The following WWC1 variants were observed in gnomAD, a reference collection of about 807,000 sequenced individuals.
The protein encoded by WWC1 is protein KIBRA.
Under a neutral mutation model 138.4 loss-of-function variants are expected in WWC1, and 55 were observed. The observed-to-expected ratio is 0.40, with a 90% CI of 0.32 to 0.50. WWC1 has a LOEUF of 0.50. Among genes scored for constraint, WWC1 ranks in the 20% least tolerant of loss-of-function variants. WWC1 has a pLI of 0.72. For synonymous variants in WWC1, 524 were observed against 564.9 expected (o/e 0.93, Z 1.03); for missense variants, 1,226 against 1,420.4 (o/e 0.86, Z 2.20).
intron 1 of WWC1, among the ~76,000 whole-genome samples, chr5:168,305,988 A>T (rs1359260057): frequency 2.0e-5 from 3 of 152,256 alleles, no homozygotes; most frequent in African/African-American, 7.2e-5. Context: ...TGTAAAGGGG[A>T]CAAGTGCCAT....
chr5:168,467,953 T>C lies in WWC1; in HGVS notation c.3264T>C (p.Val1088=), dbSNP rs746144446. 6.2e-7 allele frequency: 1 copy of C among 1,614,176 alleles called. No homozygotes were observed. The highest frequency in any genetic ancestry group is 1.1e-5 in the South Asian group (1 of 91,074). Residue 1088 remains valine, a synonymous_variant, in exon 22 of 23, where the codon GTT becomes GTC. Transcript: ENST00000265293. The part of the protein sequence containing the change: ...RGQSCKEPPE[V]QSFREKMAFF... ...AGAGCTGTAAGGAACCCCCAGAAGT[T>C]CAGTCTTTCAGGTAAGCAGAGGGCC... is the stretch of plus-strand genomic sequence containing the variant.
chr5:168,454,151 A>G (rs1214289811), intron 18 of WWC1, 51 bp downstream of exon 18: 2 of 1,590,002 alleles, frequency 1.3e-6, no homozygotes, highest in African/African-American at 1.4e-5. Flanking sequence ...GGAACCTTCA[A>G]TCCTTGTGCC....
At chr5:168,296,086 A>G (rs778559567) in intron 1 of WWC1, among the ~76,000 whole-genome samples, 2 of 152,170 alleles carry the variant, frequency 1.3e-5, no homozygotes, top group Non-Finnish European at 2.9e-5. Flanking sequence ...GCTCTAGCGA[A>G]GGGGCCAGCG....
intron 1 of WWC1, among the ~76,000 whole-genome samples, chr5:168,318,369 C>T (rs898370032): frequency 1.6e-4 from 24 of 152,092 alleles, no homozygotes; most frequent in African/African-American, 5.1e-4. Flanking sequence ...TAACCATTTC[C>T]GATGTACAGC....
At chr5:168,336,206 A>G (rs1440068179) in intron 1 of WWC1, among the ~76,000 whole-genome samples, 1 of 152,126 alleles carries the variant, frequency 6.6e-6, no homozygotes, top group Non-Finnish European at 1.5e-5. Context: ...AGGCCTTTCC[A>G]GTTTGATCAG....
chr5:168,302,691 C>T (rs367612979), intron 1 of WWC1, among the ~76,000 whole-genome samples: 1 of 152,128 alleles, frequency 6.6e-6, no homozygotes, highest in Non-Finnish European at 1.5e-5. Flanking sequence ...AGGAGCTGTG[C>T]AAATATAGTA....
intron 1 of WWC1, among the ~76,000 whole-genome samples, chr5:168,349,709 G>T (rs540803816): frequency 2.6e-5 from 4 of 152,222 alleles, no homozygotes; most frequent in African/African-American, 9.6e-5. Context: ...CCTTCCCTTT[G>T]CTTCTGTTTG....
chr5:168,339,947 C>T (rs1227341961), intron 1 of WWC1, among the ~76,000 whole-genome samples: 1 of 126,986 alleles, frequency 7.9e-6, no homozygotes, highest in Non-Finnish European at 1.6e-5. Context: ...CTCTCTCTCT[C>T]CCCCTCTCCC....
chr5:168,374,955 TAGA>T (rs1227874643), intron 2 of WWC1, among the ~76,000 whole-genome samples: 2 of 152,128 alleles, frequency 1.3e-5, no homozygotes, highest in Admixed American at 6.5e-5. Flanking sequence ...GCTGAGCAAC[TAGA>T]AGGATGGAGT....
chr5:168,323,483 G>A (rs1202291929), intron 1 of WWC1, among the ~76,000 whole-genome samples: 1 of 152,076 alleles, frequency 6.6e-6, no homozygotes, highest in African/African-American at 2.4e-5. Context: ...GGAGGTAGAG[G>A]CTGTCGTGAG....
Position 168,398,538 on chromosome 5 carries a change from A to G in WWC1, c.510+738A>G, listed in dbSNP as rs560074556. Among the ~76,000 whole-genome samples, 37 of 152,342 alleles carry G rather than the reference A, an allele frequency of 2.4e-4. 1 individual carries two copies. The East Asian group carries it at 6.6e-3, about 27-fold the overall frequency. ...TCCTAGCTACTGATTATTCTGCATT[A>G]TCTTATTTTAATTACTTCATGATTA... On this transcript the variant is annotated intron_variant, in intron 4 of 22. Coordinates refer to ENST00000265293, the MANE Select transcript of WWC1 (RefSeq NM_015238.3).
rs1262474185 is a variant in WWC1, at chr5:168,405,606, C to CT, written c.591-590dup. 3.3e-5 allele frequency among the ~76,000 whole-genome samples: 5 copies of CT among 152,208 alleles called. No individual in the cohort carries two copies. In the East Asian group the frequency reaches 9.7e-4, roughly 29 times the overall value. ...GACCCAGGGAAGTAATCAGGGAAGG[C>CT]TTCCCATAAGAGCTGATGTTTAGAG... On this transcript the variant is annotated intron_variant, in intron 5 of 22. Transcript: ENST00000265293.
intron 1 of WWC1, among the ~76,000 whole-genome samples, chr5:168,307,761 C>T (rs972020466): frequency 2.0e-5 from 3 of 151,988 alleles, no homozygotes; most frequent in Non-Finnish European, 2.9e-5. Flanking sequence ...CCTGCCACCA[C>T]ACCCAGCTAA....
intron 1 of WWC1, among the ~76,000 whole-genome samples, chr5:168,295,908 G>A (rs776895378): frequency 1.3e-5 from 2 of 152,156 alleles, no homozygotes; most frequent in African/African-American, 2.4e-5. Flanking sequence ...GGGCAGCTTG[G>A]GTCCTGCCCA....
intron 1 of WWC1, among the ~76,000 whole-genome samples, chr5:168,354,082 G>A (rs994831682): frequency 6.7e-6 from 1 of 149,680 alleles, no homozygotes; most frequent in African/African-American, 2.5e-5. Context: ...ATGGAATCTT[G>A]CTCTGTCACC....
chr5:168,355,064 A>G (rs1407117122), intron 1 of WWC1, among the ~76,000 whole-genome samples: 3 of 152,212 alleles, frequency 2.0e-5, no homozygotes, highest in Non-Finnish European at 2.9e-5. Flanking sequence ...TAGGAAGACA[A>G]TGGTGAACTC....
At chr5:168,400,408 C>T (rs979620519) in intron 5 of WWC1, among the ~76,000 whole-genome samples, 69 of 152,284 alleles carry the variant, frequency 4.5e-4, no homozygotes, top group African/African-American at 1.6e-3. Context: ...ATTTAGCTCC[C>T]ACTTATAAGT....
chr5:168,394,351 A>G (rs1389340801), intron 3 of WWC1, among the ~76,000 whole-genome samples: 3 of 152,262 alleles, frequency 2.0e-5, no homozygotes, highest in African/African-American at 4.8e-5. Context: ...CTGTGTTCAT[A>G]TATAACTTTA....
At chr5:168,358,302 G>A (rs1775613229) in intron 1 of WWC1, among the ~76,000 whole-genome samples, 1 of 152,204 alleles carries the variant, frequency 6.6e-6, no homozygotes, top group Non-Finnish European at 1.5e-5. Flanking sequence ...CAGGAGGTGT[G>A]TTCAGAGAAT....
Sources: allele counts gnomAD v4.1 joint callset (sites outside exome capture counted in the v4.1 genomes callset), GRCh38; gene constraint gnomAD v4.1.1; transcripts MANE v1.5; gene names NCBI Gene and HGNC (gene_info 2026-07-23, HGNC 2026-07-21).